TSHR: variants seen among roughly 807,000 people sequenced by gnomAD.
TSHR encodes thyrotropin receptor.
TSHR carries 51 observed loss-of-function variants against 64.1 expected under a neutral mutation model. That is an observed-to-expected ratio of 0.80 (90% CI 0.64 to 1.01). TSHR has a LOEUF of 1.01. TSHR is among the 50% of genes least tolerant of loss of function. TSHR has a pLI of 0.00. For missense variants in TSHR, 877 were observed against 942.8 expected (o/e 0.93, Z 0.91); for synonymous variants, 361 against 361.9 (o/e 1.00, Z 0.03).
chr14:81,037,239 T>C (rs559096530), intron 1 of TSHR, among the ~76,000 whole-genome samples: 243 of 151,752 alleles, frequency 1.6e-3, no homozygotes, highest in African/African-American at 5.7e-3. Context: ...ATTATCAACT[T>C]AAATTGCCTA....
At chr14:81,087,751 G>A in intron 3 of TSHR, 1 of 628,608 alleles carries the variant, frequency 1.6e-6, no homozygotes, top group Non-Finnish European at 2.9e-6. Flanking sequence ...CAAAAGAGCT[G>A]AGCAGCCATT....
intron 7 of TSHR, among the ~76,000 whole-genome samples, chr14:81,097,756 C>T (rs773559632): frequency 6.6e-6 from 1 of 152,156 alleles, no homozygotes; most frequent in African/African-American, 2.4e-5. Flanking sequence ...TGTTTGAACT[C>T]ATTACACTGA....
intron 1 of TSHR, among the ~76,000 whole-genome samples, chr14:80,957,106 AAGGTCCCTGCTGTT>A (rs1886735952): frequency 6.6e-6 from 1 of 151,960 alleles, no homozygotes; most frequent in Non-Finnish European, 1.5e-5. Flanking sequence ...CACTTCCCCA[AAGGTCCCTGCTGTT>A]ACAGCTGCCC....
intron 1 of TSHR, chr14:81,033,193 G>T: frequency 2.2e-6 from 1 of 449,892 alleles, no homozygotes; most frequent in South Asian, 1.9e-5. Context: ...GATCACTAAT[G>T]ATATCTCATC....
intron 1 of TSHR, among the ~76,000 whole-genome samples, chr14:80,956,249 T>C (rs1886676682): frequency 6.6e-6 from 1 of 152,228 alleles, no homozygotes; most frequent in Non-Finnish European, 1.5e-5. Context: ...TGCAAAAATA[T>C]GTATTTCTCC....
chr14:81,116,879 C>T (rs1443160572), intron 8 of TSHR, among the ~76,000 whole-genome samples: 10 of 148,240 alleles, frequency 6.7e-5, no homozygotes, highest in Admixed American at 1.3e-4. Flanking sequence ...TTAAGAATCT[C>T]ACTCAAAACC....
intron 8 of TSHR, among the ~76,000 whole-genome samples, chr14:81,134,422 C>T (rs1265413076): frequency 2.0e-5 from 3 of 152,130 alleles, no homozygotes; most frequent in Admixed American, 6.5e-5. Context: ...AGATGTGAGC[C>T]ACCGCACCCA....
chr14:81,130,526 CCTGATCT>C (rs1413171126), intron 8 of TSHR, among the ~76,000 whole-genome samples: 1 of 152,146 alleles, frequency 6.6e-6, no homozygotes, highest in Non-Finnish European at 1.5e-5. Context: ...TCTTCTTCTT[CCTGATCT>C]CTTAATGTTG....
chr14:81,065,436 G>A (rs1886541571), intron 2 of TSHR, among the ~76,000 whole-genome samples: 1 of 152,138 alleles, frequency 6.6e-6, no homozygotes, highest in Non-Finnish European at 1.5e-5. Context: ...AGATGGAGGT[G>A]GCAGAGTTAG....
chr14:81,074,078 C>A (rs7145290), intron 3 of TSHR, among the ~76,000 whole-genome samples: 2 of 151,926 alleles, frequency 1.3e-5, no homozygotes, highest in African/African-American at 4.8e-5. Flanking sequence ...TTTAAGTAAA[C>A]ATTCAATTCT....
intron 3 of TSHR, among the ~76,000 whole-genome samples, chr14:81,084,297 T>C (rs747881528): frequency 1.8e-4 from 28 of 152,340 alleles, no homozygotes; most frequent in Non-Finnish European, 3.4e-4. Flanking sequence ...TTATAGAGAA[T>C]ATATAAAGCT....
chr14:81,085,872 C>T (rs1240214023), intron 3 of TSHR, among the ~76,000 whole-genome samples: 1 of 152,164 alleles, frequency 6.6e-6, no homozygotes, highest in Non-Finnish European at 1.5e-5. Flanking sequence ...ACCACCTCAA[C>T]AGAGATTGAT....
At chr14:81,024,499 G>A (rs899600161) in intron 1 of TSHR, among the ~76,000 whole-genome samples, 2 of 151,998 alleles carry the variant, frequency 1.3e-5, no homozygotes, top group Non-Finnish European at 2.9e-5. Flanking sequence ...TGCCCACCTT[G>A]GCCTCCCAAA....
At chr14:81,094,768 C>G (rs1267742678) in intron 6 of TSHR, among the ~76,000 whole-genome samples, 1 of 128,508 alleles carries the variant, frequency 7.8e-6, no homozygotes, top group Admixed American at 9.8e-5. Flanking sequence ...CTTACTGCAA[C>G]CTCCGCCTCC....
intron 8 of TSHR, among the ~76,000 whole-genome samples, chr14:81,120,691 T>G (rs760532811): frequency 6.6e-6 from 1 of 152,164 alleles, no homozygotes; most frequent in Non-Finnish European, 1.5e-5. Context: ...TTGTTCTAAC[T>G]AGGACTTCCA....
At chr14:81,028,561 T>C (rs533635407) in intron 1 of TSHR, among the ~76,000 whole-genome samples, 2 of 152,058 alleles carry the variant, frequency 1.3e-5, no homozygotes, top group African/African-American at 4.8e-5. Context: ...GGGACAGAAG[T>C]CCAGTTTTCA....
At chr14:81,053,662 G>A (rs1420618561) in intron 1 of TSHR, 2 of 152,140 alleles carry the variant, frequency 1.3e-5, no homozygotes, top group East Asian at 1.9e-4. Context: ...AAGTTTTTGT[G>A]ATAGTTAAGT....
At chr14:81,067,953 A>ATATATATATATATATATATATATC (rs566603342) in intron 2 of TSHR, among the ~76,000 whole-genome samples, 2 of 141,406 alleles carry the variant, frequency 1.4e-5, no homozygotes, top group African/African-American at 5.4e-5. Context: ...ATATATATAT[A>ATATATATATATATATATATATATC]TCGCTAAATA....
intron 1 of TSHR, among the ~76,000 whole-genome samples, chr14:81,024,301 T>C (rs963774872): frequency 1.4e-4 from 21 of 152,104 alleles, no homozygotes; most frequent in Non-Finnish European, 2.8e-4. Context: ...CAGTCTGGAG[T>C]GCAGTGGCGC....
Sources: allele counts gnomAD v4.1 joint callset (sites outside exome capture counted in the v4.1 genomes callset), GRCh38; gene constraint gnomAD v4.1.1; transcripts MANE v1.5; gene names NCBI Gene and HGNC (gene_info 2026-07-23, HGNC 2026-07-21).